Variants in RBFOX1 observed in about 807,000 individuals in gnomAD.
RBFOX1 encodes the protein RNA binding protein fox-1 homolog 1.
A neutral mutation model predicts 57.7 loss-of-function variants in RBFOX1; 8 were observed. That is an observed-to-expected ratio of 0.14 (90% confidence interval 0.08 to 0.25). RBFOX1 has a LOEUF of 0.25. Among genes scored for constraint, RBFOX1 ranks in the 10% least tolerant of loss-of-function variants. RBFOX1 has a pLI of 1.00. For missense variants in RBFOX1, 611 were observed against 548.5 expected (o/e 1.11, Z -1.14); for synonymous variants, 326 against 222.4 (o/e 1.47, Z -4.15).
intron 4 of RBFOX1, among the ~76,000 whole-genome samples, chr16:5,960,925 CCGCA>C: frequency 6.6e-6 from 1 of 152,088 alleles, no homozygotes; most frequent in African/African-American, 2.4e-5. Flanking sequence ...GAAGGTGGAA[CCGCA>C]ATTGTGGTCA....
At chr16:7,276,746 T>C (rs1475294262) in intron 4 of RBFOX1, among the ~76,000 whole-genome samples, 1 of 152,222 alleles carries the variant, frequency 6.6e-6, no homozygotes, top group Non-Finnish European at 1.5e-5. Context: ...TGTTCCCACC[T>C]ACGTTAAGAC....
At chr16:6,658,987 G>A (rs1051512937) in intron 3 of RBFOX1, among the ~76,000 whole-genome samples, 1 of 149,336 alleles carries the variant, frequency 6.7e-6, no homozygotes, top group African/African-American at 2.5e-5. Context: ...TGGAGCTAAT[G>A]CAGATTTAGC....
chr16:5,769,606 T>G (rs1282605111), intron 3 of RBFOX1, among the ~76,000 whole-genome samples: 1 of 151,780 alleles, frequency 6.6e-6, no homozygotes, highest in Admixed American at 6.6e-5. Context: ...TGAGCCGAGA[T>G]CATGCCATTG....
chr16:5,929,122 C>T (rs2058995459), intron 4 of RBFOX1, among the ~76,000 whole-genome samples: 2 of 151,404 alleles, frequency 1.3e-5, no homozygotes, highest in African/African-American at 4.9e-5. Context: ...AAAATTTTGA[C>T]AGAGACATTG....
chr16:6,610,958 C>G (rs113227203), intron 2 of RBFOX1, among the ~76,000 whole-genome samples: 3,143 of 152,260 alleles, frequency 0.021, 117 homozygotes, highest in African/African-American at 0.071. Context: ...AATATACAAT[C>G]TGCATTCACT....
At position 7,160,327 on chromosome 16, in the gene RBFOX1, G is replaced by C. The variant is rs761849426; in HGVS notation, c.27+108229G>C. 1.1e-4 allele frequency among the ~76,000 whole-genome samples: 17 copies of C among 152,026 alleles called. 1 individual carries two copies. The highest frequency in any genetic ancestry group is 6.6e-5 in the Admixed American group (1 of 15,244). ...TAGTCTTCTGGACTTTGACTGCCTA[G>C]TGTGTAAAATGGCAATGAAAAAGTA... On this transcript the variant is annotated intron_variant, in intron 4 of 15. Coordinates refer to ENST00000550418, the MANE Select transcript of RBFOX1 (RefSeq NM_018723.4).
Position 6,683,723 on chromosome 16 carries a change from A to T in RBFOX1, c.-16+29073A>T, listed in dbSNP as rs141534300. On this transcript the variant is annotated intron_variant, in intron 3 of 15. Transcript: ENST00000550418. ...GTCTAAGTACAGCAGGGTGTGTGAG[A>T]TGGTGAGACGCAGTTCAGGTAGTGC... 3.1e-4 allele frequency among the ~76,000 whole-genome samples: 47 copies of T among 152,256 alleles called. 1 individual carries two copies. Among genetic ancestry groups the T allele is most frequent in the African/African-American group, 1.1e-3 (46 of 41,550 alleles).
At chr16:7,453,128 C>A (rs867446580) in intron 4 of RBFOX1, among the ~76,000 whole-genome samples, 1,132 of 112,338 alleles carry the variant, frequency 0.01, no homozygotes, top group Middle Eastern at 0.015. Context: ...GGCTTTGTCT[C>A]AAAAAAAAAA....
intron 4 of RBFOX1, among the ~76,000 whole-genome samples, chr16:7,147,986 C>T (rs1298373884): frequency 1.3e-5 from 2 of 152,148 alleles, no homozygotes; most frequent in Admixed American, 6.5e-5. Context: ...ACCTTGCAGT[C>T]ACACAAGAGG....
At chr16:7,622,112 G>A (rs1188250680) in intron 10 of RBFOX1, among the ~76,000 whole-genome samples, 1 of 152,066 alleles carries the variant, frequency 6.6e-6, no homozygotes, top group East Asian at 1.9e-4. Flanking sequence ...GTTGGATTTG[G>A]CCAAAAGTCT....
chr16:6,212,707 A>G (rs1218213463), intron 1 of RBFOX1, among the ~76,000 whole-genome samples: 1 of 88,670 alleles, frequency 1.1e-5, no homozygotes, highest in South Asian at 4.8e-4. Flanking sequence ...AGTCTGTCAA[A>G]AAAACAAACA....
chr16:6,369,309 G>C (rs758894563), intron 2 of RBFOX1, among the ~76,000 whole-genome samples: 6 of 152,100 alleles, frequency 3.9e-5, no homozygotes, highest in Non-Finnish European at 1.5e-5. Context: ...TTATTCCTTA[G>C]ATGTATTCTG....
chr16:5,724,456 A>G (rs888674824), intron 3 of RBFOX1, among the ~76,000 whole-genome samples: 1 of 152,042 alleles, frequency 6.6e-6, no homozygotes, highest in Non-Finnish European at 1.5e-5. Flanking sequence ...GTGAAATGGC[A>G]TAGTGGTTAG....
At chr16:6,827,905 A>T (rs1293828490) in intron 3 of RBFOX1, among the ~76,000 whole-genome samples, 1 of 152,190 alleles carries the variant, frequency 6.6e-6, no homozygotes, top group Non-Finnish European at 1.5e-5. Flanking sequence ...TCCAGTAGTA[A>T]TTTGCATACA....
At position 6,367,213 on chromosome 16, in the gene RBFOX1, A is replaced by G. The variant is rs2795552; in HGVS notation, c.-64+50156A>G. Among the ~76,000 whole-genome samples, 746 of 152,228 alleles carry G rather than the reference A, an allele frequency of 4.9e-3. 12 individuals are homozygous for G. The highest frequency in any genetic ancestry group is 0.017 in the African/African-American group (690 of 41,550). The stretch of plus-strand genomic sequence containing the variant: ...TATGCTGAATTGTAAGCTGGACATT[A>G]TGTCACTGTAGGTTTAGCCCTTCTT... On this transcript the variant is annotated intron_variant, in intron 2 of 15. Coordinates refer to ENST00000550418, the MANE Select transcript of RBFOX1 (RefSeq NM_018723.4).
chr16:7,706,897 A>ATAT (rs754008868), intron 14 of RBFOX1, among the ~76,000 whole-genome samples: 39 of 152,172 alleles, frequency 2.6e-4, no homozygotes, highest in Non-Finnish European at 5.0e-4. Context: ...CTCTCTGAAT[A>ATAT]TATTATTATT....
At chr16:6,517,280 G>T (rs1359185433) in intron 2 of RBFOX1, among the ~76,000 whole-genome samples, 1 of 152,134 alleles carries the variant, frequency 6.6e-6, no homozygotes, top group Non-Finnish European at 1.5e-5. Flanking sequence ...TATTCAGTTT[G>T]CTCTAATCCA....
chr16:6,876,017 A>T (rs1459828408), intron 3 of RBFOX1, among the ~76,000 whole-genome samples: 2 of 151,628 alleles, frequency 1.3e-5, no homozygotes, highest in South Asian at 2.1e-4. Flanking sequence ...AATTCCATTT[A>T]AAAAAAATAA....
At chr16:6,422,313 C>G (rs527564195) in intron 2 of RBFOX1, among the ~76,000 whole-genome samples, 2 of 150,902 alleles carry the variant, frequency 1.3e-5, no homozygotes, top group African/African-American at 2.4e-5. Context: ...CTGTGTGATA[C>G]TGAGGTTCGG....
Sources: gnomAD v4.1 joint callset for allele counts (sites outside exome capture counted in the v4.1 genomes callset) on GRCh38, gnomAD v4.1.1 for gene constraint, MANE v1.5 for transcripts, NCBI Gene and HGNC (gene_info 2026-07-23, HGNC 2026-07-21) for gene names.